ACO1: variants seen among roughly 807,000 people sequenced by gnomAD.
ACO1 encodes cytoplasmic aconitate hydratase.
Under a neutral mutation model 105.1 loss-of-function variants are expected in ACO1, and 78 were observed. That is an observed-to-expected ratio of 0.74 (90% CI 0.62 to 0.90). The LOEUF (loss-of-function observed/expected upper bound fraction) is 0.90, where lower values mean the gene tolerates loss of function less well. ACO1 is among the 40% of genes least tolerant of loss of function. The pLI, the probability that ACO1 is intolerant of heterozygous loss-of-function variation, is 0.00. For missense variants in ACO1, 965 were observed against 1,111.1 expected, an observed-to-expected ratio of 0.87 and a Z score of 1.87; for synonymous variants, 364 against 397.4, an observed-to-expected ratio of 0.92 and a Z score of 1.00.
intron 3 of ACO1, among the ~76,000 whole-genome samples, chr9:32,407,858 A>G (rs1316722935): frequency 2.6e-5 from 4 of 152,228 alleles, no homozygotes; most frequent in Non-Finnish European, 5.9e-5. Context: ...GATGTAGCTC[A>G]CATCACAAGT....
chr9:32,404,515 G>C (rs1563931035), intron 1 of ACO1, among the ~76,000 whole-genome samples: 1 of 152,122 alleles, frequency 6.6e-6, no homozygotes, highest in Non-Finnish European at 1.5e-5. Context: ...TAGATTACCA[G>C]TCTCACTTGG....
At chr9:32,406,524 G>A (rs986516087) in intron 2 of ACO1, among the ~76,000 whole-genome samples, 1 of 152,178 alleles carries the variant, frequency 6.6e-6, no homozygotes, top group African/African-American at 2.4e-5. Context: ...TTAGGAGGCT[G>A]AGGTGGGAGA....
chr9:32,448,539 G>A lies in ACO1; in HGVS notation c.2371-357G>A, dbSNP rs142329217. Among the ~76,000 whole-genome samples the A allele has an allele frequency of 1.8e-3, 278 of 152,318 alleles. 3 individuals are homozygous for A. Among genetic ancestry groups the A allele is most frequent in the African/African-American group, 5.9e-3 (247 of 41,570 alleles). On this transcript the variant is annotated intron_variant, in intron 19 of 20. Transcript: ENST00000309951. Reference sequence around the variant, plus strand: ...TGGTTGTGAAGGCCATGGGAAAAGCGCAGTATCTGGGCCAGAGTGCACTGT... The same window carrying A: ...TGGTTGTGAAGGCCATGGGAAAAGCACAGTATCTGGGCCAGAGTGCACTGT...
chr9:32,423,283 C>A, intron 8 of ACO1, 36 bp from the exon 9 acceptor site: 1 of 1,248,362 alleles, frequency 8.0e-7, no homozygotes. Context: ...GAAATACTAA[C>A]CTATGTTACT....
At chr9:32,446,950 T>C (rs779207028) in intron 19 of ACO1, among the ~76,000 whole-genome samples, 2 of 152,194 alleles carry the variant, frequency 1.3e-5, no homozygotes, top group Non-Finnish European at 2.9e-5. Context: ...GAGAGATCCA[T>C]TGTTAGTCTG....
chr9:32,393,541 A>T (rs146402660), intron 1 of ACO1, among the ~76,000 whole-genome samples: 2 of 152,090 alleles, frequency 1.3e-5, no homozygotes, highest in East Asian at 3.9e-4. Context: ...CCCTGCCTCC[A>T]TTTACCTTGT....
chr9:32,394,788 A>G (rs7873764), intron 1 of ACO1, among the ~76,000 whole-genome samples: 88,699 of 151,878 alleles, frequency 0.58, 27,313 homozygotes, highest in Non-Finnish European at 0.69. Context: ...TTCTTAGGTA[A>G]AATCAGTAAA....
intron 1 of ACO1, among the ~76,000 whole-genome samples, chr9:32,391,533 A>G (rs1286186758): frequency 6.6e-6 from 1 of 152,242 alleles, no homozygotes; most frequent in Non-Finnish European, 1.5e-5. Context: ...CTGTTTGTAC[A>G]TGAGTGCTGG....
intron 1 of ACO1, among the ~76,000 whole-genome samples, chr9:32,401,199 T>C (rs1030550172): frequency 3.3e-5 from 5 of 152,220 alleles, no homozygotes; most frequent in Admixed American, 6.5e-5. Context: ...AGTTTAGCTG[T>C]CAGTTCTCTG....
chr9:32,430,239 A>C (rs1424228019), intron 13 of ACO1, among the ~76,000 whole-genome samples, 179 bp from the exon 14 acceptor site: 6 of 152,168 alleles, frequency 3.9e-5, no homozygotes, highest in South Asian at 2.1e-4. Context: ...CCTTTGACCC[A>C]GAGTATCTCC....
At chr9:32,404,483 G>A (rs1821563389) in intron 1 of ACO1, among the ~76,000 whole-genome samples, 1 of 152,120 alleles carries the variant, frequency 6.6e-6, no homozygotes, top group Non-Finnish European at 1.5e-5. Context: ...ACTTTTATAA[G>A]CCAAGAATTC....
chr9:32,388,152 G>A (rs1432655760), intron 1 of ACO1, among the ~76,000 whole-genome samples: 2 of 152,154 alleles, frequency 1.3e-5, no homozygotes, highest in South Asian at 2.1e-4. Flanking sequence ...AGTCTAACCC[G>A]TTGTGTGAAT....
At chr9:32,384,811 G>C (rs1056764910) in intron 1 of ACO1, 76 bp downstream of exon 1, 1 of 284,562 alleles carries the variant, frequency 3.5e-6, no homozygotes, top group South Asian at 2.4e-5. Flanking sequence ...GAGTCGGTGC[G>C]GGCCTTTACC....
chr9:32,447,308 A>C (rs1376461975), intron 19 of ACO1, among the ~76,000 whole-genome samples: 1 of 151,822 alleles, frequency 6.6e-6, no homozygotes, highest in Admixed American at 6.6e-5. Flanking sequence ...GCTTTATTTC[A>C]TTGAGTTGAT....
At chr9:32,398,232 A>T (rs1228875966) in intron 1 of ACO1, among the ~76,000 whole-genome samples, 1 of 152,232 alleles carries the variant, frequency 6.6e-6, no homozygotes, top group Non-Finnish European at 1.5e-5. Flanking sequence ...GCAAATTCAT[A>T]GATGTATATA....
chr9:32,414,439 T>C (rs891794049), intron 4 of ACO1, among the ~76,000 whole-genome samples: 1 of 152,268 alleles, frequency 6.6e-6, no homozygotes, highest in Non-Finnish European at 1.5e-5. Context: ...TAACTAGAAC[T>C]AGGCTAATTG....
At position 32,434,688 on chromosome 9, in the gene ACO1, T is replaced by C. The variant is rs1822316748; in HGVS notation, c.2086T>C (p.Leu696=). 1.2e-6 allele frequency: 2 copies of C among 1,614,102 alleles called. No individual in the cohort carries two copies. The highest frequency in any genetic ancestry group is 1.1e-5 in the South Asian group (1 of 91,080). The change falls in exon 17 of 21, where the codon TTA becomes CTA. Residue 696 remains leucine, a synonymous_variant. Transcript: ENST00000309951. ...IARNSPAARY[L]TNRGLTPREF... ...AAGAAACAGTCCTGCTGCTCGCTAC[T>C]TAACTAACAGAGGGTAAGTATGAAT...
In ACO1 at chr9:32,425,822, T is replaced by C. The variant is rs1473454918; in HGVS notation, c.1189-16T>C. On this transcript the variant is annotated splice_polypyrimidine_tract_variant and intron_variant, in intron 10 of 20. Transcript: ENST00000309951. ...TAAATATATTCCTATATAATATACATTTTTTCTTCCTTTAGCAAGGATTTA... is the reference window on the plus strand; with the variant it reads ...TAAATATATTCCTATATAATATACACTTTTTCTTCCTTTAGCAAGGATTTA... 1 of 1,579,914 alleles carries C rather than the reference T, an allele frequency of 6.3e-7. No homozygotes were observed. Among genetic ancestry groups the C allele is most frequent in the South Asian group, 1.1e-5 (1 of 88,418 alleles).
chr9:32,425,818 T>C lies in ACO1; in HGVS notation c.1189-20T>C, dbSNP rs1295006368. On this transcript the variant is annotated intron_variant, in intron 10 of 20. Coordinates refer to ENST00000309951, the MANE Select transcript of ACO1 (RefSeq NM_002197.3). ...TATATAAATATATTCCTATATAATA[T>C]ACATTTTTTCTTCCTTTAGCAAGGA... is the stretch of plus-strand genomic sequence containing the variant. The C allele has an allele frequency of 2.6e-6, 4 of 1,553,224 alleles. No homozygotes were observed. Among genetic ancestry groups the C allele is most frequent in the Admixed American group, 3.4e-5 (2 of 58,148 alleles).
Sources: allele counts gnomAD v4.1 joint callset (sites outside exome capture counted in the v4.1 genomes callset), GRCh38; gene constraint gnomAD v4.1.1; transcripts MANE v1.5; gene names NCBI Gene and HGNC (gene_info 2026-07-23, HGNC 2026-07-21).